RNF157: variants seen among roughly 807,000 people sequenced by gnomAD.
The protein encoded by RNF157 is ring finger protein 157.
Under a neutral mutation model 88.3 loss-of-function variants are expected in RNF157, and 55 were observed. The ratio of observed to expected loss-of-function variants is 0.62; its 90% CI spans 0.50 to 0.78. The LOEUF (loss-of-function observed/expected upper bound fraction) is 0.78, where lower values mean the gene tolerates loss of function less well. RNF157 is among the 30% of genes least tolerant of loss of function. The pLI is 0.00. For synonymous variants in RNF157, 334 were observed against 341.2 expected (o/e 0.98, Z 0.23); for missense variants, 788 against 860.8 (o/e 0.92, Z 1.06).
At chr17:76,218,246 C>T (rs577613862) in intron 1 of RNF157, among the ~76,000 whole-genome samples, 10 of 152,286 alleles carry the variant, frequency 6.6e-5, no homozygotes, top group African/African-American at 2.4e-4. Context: ...TGTCATCAGA[C>T]TTTTCAACAG....
At chr17:76,238,928 A>G (rs1181676259) in intron 1 of RNF157, among the ~76,000 whole-genome samples, 3 of 152,236 alleles carry the variant, frequency 2.0e-5, no homozygotes, top group African/African-American at 7.2e-5. Context: ...TTGGTACAAA[A>G]GCAGTGAGAA....
At chr17:76,210,434 CA>C (rs755573593) in intron 2 of RNF157, among the ~76,000 whole-genome samples, 1 of 150,994 alleles carries the variant, frequency 6.6e-6, no homozygotes, top group Non-Finnish European at 1.5e-5. Flanking sequence ...ACTAAAAATA[CA>C]AAAAATTAGC....
chr17:76,185,534 A>G (rs2069269513), intron 2 of RNF157, among the ~76,000 whole-genome samples: 2 of 148,290 alleles, frequency 1.3e-5, no homozygotes, highest in African/African-American at 5.1e-5. Context: ...CAGTGGCGCG[A>G]TCTCGGCTCA....
intron 9 of RNF157, 107 bp from the exon 10 acceptor site, chr17:76,162,109 A>G: frequency 1.7e-6 from 2 of 1,144,022 alleles, no homozygotes; most frequent in Non-Finnish European, 2.5e-6. Flanking sequence ...ATAATTACGA[A>G]CAAAATCTGC....
chr17:76,165,923 C>T (rs2068916903), intron 6 of RNF157, among the ~76,000 whole-genome samples: 1 of 152,034 alleles, frequency 6.6e-6, no homozygotes, highest in Non-Finnish European at 1.5e-5. Context: ...GGTGATCTGC[C>T]CGCCTCAGCC....
intron 12 of RNF157, among the ~76,000 whole-genome samples, chr17:76,159,120 A>G (rs534473357): frequency 9.2e-5 from 14 of 152,232 alleles, no homozygotes; most frequent in African/African-American, 3.4e-4. Flanking sequence ...AAAAGAATAC[A>G]TAAGAGATTT....
rs747696869 is a variant in RNF157 at position 76,167,121 on chromosome 17, A to T, written c.449T>A (p.Ile150Asn). Residue 150 changes from isoleucine (I) to asparagine (N), a missense_variant, in exon 5 of 19, where the codon ATT (isoleucine) becomes AAT (asparagine). By Grantham distance (149) the Ile-to-Asn change is moderately radical (BLOSUM62 -3). Transcript: ENST00000269391. ...CGACTGGAGGCTGTTGTCTTTGGGA[A>T]TGTAGCTATTGATACAAGTGGGAGG... ...EEFQNGIASY[I>N]PKDNSLQSET... The T allele has an allele frequency of 1.2e-6, 2 of 1,611,756 alleles. No homozygotes were observed. The highest frequency in any genetic ancestry group is 2.2e-5 in the South Asian group (2 of 90,732).
At chr17:76,212,907 G>T (rs2069827228) in intron 1 of RNF157, among the ~76,000 whole-genome samples, 1 of 152,146 alleles carries the variant, frequency 6.6e-6, no homozygotes, top group Non-Finnish European at 1.5e-5. Flanking sequence ...AATAATTAGA[G>T]CAATTTCTAA....
intron 1 of RNF157, among the ~76,000 whole-genome samples, chr17:76,223,526 T>C (rs1400250683): frequency 1.3e-5 from 2 of 152,186 alleles, no homozygotes; most frequent in African/African-American, 4.8e-5. Context: ...ACTCTTCCTT[T>C]TCCTGTACTG....
rs2070166992 is a variant in RNF157, at chr17:76,230,415, G to A, written c.88+9738C>T. 2.0e-5 allele frequency among the ~76,000 whole-genome samples: 3 copies of A among 152,272 alleles called. No homozygotes were observed. In the South Asian group the frequency reaches 6.2e-4, roughly 32 times the overall value. The stretch of plus-strand genomic sequence containing the variant: ...AAAGAAACAAAAACACTGAACATGT[G>A]CTCTATGCAAAGCATCCTGAGTCAA... On this transcript the variant is annotated intron_variant, in intron 1 of 18. Transcript: ENST00000269391.
At chr17:76,202,137 C>CACAT (rs2069594044) in intron 2 of RNF157, among the ~76,000 whole-genome samples, 1 of 148,356 alleles carries the variant, frequency 6.7e-6, no homozygotes. Flanking sequence ...CTCACACACA[C>CACAT]ACACACACAC....
intron 3 of RNF157, among the ~76,000 whole-genome samples, chr17:76,168,952 C>T (rs2068970712): frequency 6.6e-6 from 1 of 152,172 alleles, no homozygotes; most frequent in Non-Finnish European, 1.5e-5. Context: ...GAAGTCGTTC[C>T]AACTGTTGAT....
intron 13 of RNF157, 111 bp from the exon 14 acceptor site, chr17:76,156,432 T>G: frequency 6.5e-7 from 1 of 1,526,788 alleles, no homozygotes; most frequent in South Asian, 1.2e-5. Flanking sequence ...AAGGCGACAC[T>G]GGGAGGGACT....
chr17:76,170,615 C>T (rs1466506682), intron 3 of RNF157, among the ~76,000 whole-genome samples: 3 of 152,116 alleles, frequency 2.0e-5, no homozygotes, highest in African/African-American at 7.2e-5. Flanking sequence ...TGAAGGCAGA[C>T]TTTCTACCAA....
chr17:76,203,917 G>A (rs1417226707), intron 2 of RNF157, among the ~76,000 whole-genome samples: 10 of 151,610 alleles, frequency 6.6e-5, no homozygotes, highest in Admixed American at 2.0e-4. Flanking sequence ...ACAGGCGCCC[G>A]CCACCATGCT....
At chr17:76,204,866 C>A (rs1250156068) in intron 2 of RNF157, among the ~76,000 whole-genome samples, 1 of 151,004 alleles carries the variant, frequency 6.6e-6, no homozygotes, top group Non-Finnish European at 1.5e-5. Context: ...CTCACTGAAA[C>A]CTGTGCATCC....
At chr17:76,159,946 T>C (rs1044617986) in intron 11 of RNF157, among the ~76,000 whole-genome samples, 2 of 152,230 alleles carry the variant, frequency 1.3e-5, no homozygotes, top group Admixed American at 1.3e-4. Flanking sequence ...TTGATCAATC[T>C]GTAAATAACA....
At chr17:76,225,714 A>G in intron 1 of RNF157, 4 of 1,439,492 alleles carry the variant, frequency 2.8e-6, no homozygotes, top group Non-Finnish European at 3.7e-6. Flanking sequence ...CAGACACTCT[A>G]TGTACAAGCA....
chr17:76,194,772 T>C (rs1266372640), intron 2 of RNF157, among the ~76,000 whole-genome samples: 1 of 151,942 alleles, frequency 6.6e-6, no homozygotes, highest in Non-Finnish European at 1.5e-5. Flanking sequence ...TCCCAGCACT[T>C]TGGGAGGCCA....
Sources: gnomAD v4.1 joint callset for allele counts (sites outside exome capture counted in the v4.1 genomes callset) on GRCh38, gnomAD v4.1.1 for gene constraint, MANE v1.5 for transcripts, NCBI Gene and HGNC (gene_info 2026-07-23, HGNC 2026-07-21) for gene names.